The following UBE2K variants were observed in gnomAD, a reference collection of about 807,000 sequenced individuals.
UBE2K encodes ubiquitin-conjugating enzyme E2 K.
Under a neutral mutation model 30.0 loss-of-function variants are expected in UBE2K, and 6 were observed. The ratio of observed to expected loss-of-function variants is 0.20; its 90% CI spans 0.11 to 0.39. The LOEUF (loss-of-function observed/expected upper bound fraction) is 0.39, where lower values mean the gene tolerates loss of function less well. UBE2K is among the 10% of genes least tolerant of loss of function. UBE2K has a pLI of 1.00. For synonymous variants in UBE2K, 86 were observed against 83.7 expected (o/e 1.03, Z -0.15); for missense variants, 61 against 241.6 (o/e 0.25, Z 4.96).
chr4:39,771,708 G>C (rs533072263), intron 4 of UBE2K, among the ~76,000 whole-genome samples: 19 of 152,288 alleles, frequency 1.2e-4, no homozygotes, highest in Non-Finnish European at 2.4e-4. Flanking sequence ...TCAAACCCTG[G>C]AGTTTCTGAT....
At position 39,705,194 on chromosome 4, in the gene UBE2K, G is replaced by GTT. The variant is rs57314034; in HGVS notation, c.63+6822_63+6823dup. Among the ~76,000 whole-genome samples the GTT allele has an allele frequency of 2.8e-3, 306 of 107,414 alleles. 3 individuals are homozygous for GTT. The highest frequency in any genetic ancestry group is 3.9e-3 in the Non-Finnish European group (207 of 52,854). The allele number at this position is 107,414 out of a possible 152,430, so 70.5% of individuals were successfully genotyped here. ...TGCAGGCATGAGCCACTGCACCTGG[G>GTT]TTTTTTTTTTTTTTTTTTTGGGAGA... On this transcript the variant is annotated intron_variant, in intron 1 of 6. Transcript: ENST00000261427.
At chr4:39,702,371 C>A (rs1021184813) in intron 1 of UBE2K, among the ~76,000 whole-genome samples, 3 of 150,006 alleles carry the variant, frequency 2.0e-5, no homozygotes, top group Non-Finnish European at 4.4e-5. Context: ...TCTCCTGCCT[C>A]GGCCTCCTGA....
chr4:39,756,309 AG>A (rs1264007360), intron 4 of UBE2K, among the ~76,000 whole-genome samples: 25 of 152,350 alleles, frequency 1.6e-4, no homozygotes, highest in African/African-American at 5.8e-4. Context: ...CAGTTTACCA[AG>A]CTGCATGGTT....
At chr4:39,717,790 T>C (rs138367267) in intron 1 of UBE2K, among the ~76,000 whole-genome samples, 15,862 of 152,038 alleles carry the variant, frequency 0.1, 1,100 homozygotes, top group East Asian at 0.22. Flanking sequence ...TGTTCGGTTG[T>C]GTTCGGAGTT....
intron 1 of UBE2K, among the ~76,000 whole-genome samples, chr4:39,734,082 G>A (rs1720221009): frequency 6.6e-6 from 1 of 150,446 alleles, no homozygotes; most frequent in African/African-American, 2.4e-5. Context: ...TGCAAATAAA[G>A]ACCCTATTCT....
At chr4:39,765,820 T>A (rs927129985) in intron 4 of UBE2K, among the ~76,000 whole-genome samples, 3 of 148,886 alleles carry the variant, frequency 2.0e-5, no homozygotes, top group African/African-American at 7.5e-5. Context: ...AATAAATAAG[T>A]AAGTAGGCTG....
intron 3 of UBE2K, among the ~76,000 whole-genome samples, chr4:39,752,335 CTTTTTTTTTT>C (rs57289268): frequency 3.1e-5 from 2 of 64,096 alleles, no homozygotes; most frequent in Admixed American, 4.9e-4. Flanking sequence ...CTTTTTTTTT[CTTTTTTTTTT>C]TTTTTTTTTG....
intron 1 of UBE2K, among the ~76,000 whole-genome samples, chr4:39,704,747 G>T (rs765596068): frequency 6.6e-6 from 1 of 151,860 alleles, no homozygotes; most frequent in Non-Finnish European, 1.5e-5. Context: ...TCACCATGTT[G>T]CCCAGGCTGG....
intron 3 of UBE2K, among the ~76,000 whole-genome samples, chr4:39,753,813 A>C (rs1721392372): frequency 6.6e-6 from 1 of 152,196 alleles, no homozygotes; most frequent in South Asian, 2.1e-4. Flanking sequence ...GGAGTAGTCT[A>C]AGGCCAGGTT....
chr4:39,722,936 C>T (rs1001918922), intron 1 of UBE2K, among the ~76,000 whole-genome samples: 3 of 151,908 alleles, frequency 2.0e-5, no homozygotes, highest in South Asian at 2.1e-4. Flanking sequence ...TCTGGGATTA[C>T]AGGCGCGCAC....
intron 4 of UBE2K, among the ~76,000 whole-genome samples, chr4:39,764,577 T>C (rs1712189910): frequency 6.6e-6 from 1 of 152,000 alleles, no homozygotes; most frequent in Admixed American, 6.6e-5. Context: ...TTATCACAGG[T>C]GCACACCACC....
intron 1 of UBE2K, among the ~76,000 whole-genome samples, chr4:39,725,763 C>T (rs954027107): frequency 1.1e-4 from 17 of 152,282 alleles, no homozygotes; most frequent in African/African-American, 4.1e-4. Context: ...CTGCTTCAGC[C>T]TCCTGAGTAT....
chr4:39,769,342 ACTCCT>A (rs1023460559), intron 4 of UBE2K, among the ~76,000 whole-genome samples: 1 of 144,212 alleles, frequency 6.9e-6, no homozygotes, highest in African/African-American at 2.6e-5. Flanking sequence ...GTATGTCTCT[ACTCCT>A]CTCCCTCCCT....
chr4:39,735,249 A>C (rs371947624), intron 1 of UBE2K, among the ~76,000 whole-genome samples: 44 of 152,236 alleles, frequency 2.9e-4, no homozygotes, highest in African/African-American at 9.9e-4. Flanking sequence ...TCGCTCTTTC[A>C]CCCAGGCCAT....
intron 4 of UBE2K, among the ~76,000 whole-genome samples, chr4:39,757,013 T>G (rs1023193847): frequency 9.6e-6 from 1 of 104,304 alleles, no homozygotes; most frequent in Non-Finnish European, 1.9e-5. Flanking sequence ...TTTTTTTTGT[T>G]TTTTGTTTTT....
intron 3 of UBE2K, among the ~76,000 whole-genome samples, chr4:39,753,355 G>GGA (rs1553878566): frequency 2.0e-5 from 3 of 151,940 alleles, no homozygotes; most frequent in East Asian, 3.9e-4. Flanking sequence ...CTCTGGGGGG[G>GGA]AAAAAAGGGA....
rs1717794007 is a variant in UBE2K, at chr4:39,698,177, G to A, written c.-151G>A. 1 of 773,818 alleles carries A rather than the reference G, an allele frequency of 1.3e-6. No homozygotes were observed. The highest frequency in any genetic ancestry group is 2.2e-6 in the Non-Finnish European group (1 of 448,472). 47.9% of individuals were successfully genotyped at this position (773,818 alleles called of 1,614,324 possible). On this transcript the variant is annotated 5_prime_UTR_variant, in exon 1 of 7. Transcript: ENST00000261427. ...GGCGCGGAGGTGATTCCACACTGAG[G>A]CGAGCGCGGCGGCCGGGGTGGTAGT...
rs1718549941 is a variant in UBE2K at position 39,709,386 on chromosome 4, G to A, written c.63+10996G>A. Among the ~76,000 whole-genome samples, 4 of 152,088 alleles carry A rather than the reference G, an allele frequency of 2.6e-5. No individual in the cohort carries two copies. In the South Asian group the frequency reaches 8.3e-4, roughly 32 times the overall value. On this transcript the variant is annotated intron_variant, in intron 1 of 6. Coordinates refer to ENST00000261427, the MANE Select transcript of UBE2K (RefSeq NM_005339.5). ...CACCTGTGTGCCAATAATCCATGGG[G>A]CTAGTGGCCAAGTAGTCCACCCTTA...
chr4:39,743,916 G>A (rs1328745035), intron 2 of UBE2K, among the ~76,000 whole-genome samples: 1 of 152,162 alleles, frequency 6.6e-6, no homozygotes, highest in Non-Finnish European at 1.5e-5. Flanking sequence ...AGGCTGGAGT[G>A]CAGTGGTGCG....
Sources: gnomAD v4.1 joint callset for allele counts (sites outside exome capture counted in the v4.1 genomes callset) on GRCh38, gnomAD v4.1.1 for gene constraint, MANE v1.5 for transcripts, NCBI Gene and HGNC (gene_info 2026-07-23, HGNC 2026-07-21) for gene names.